Variants in MEI4 observed in about 807,000 individuals in gnomAD.
MEI4 encodes the protein meiosis-specific protein MEI4.
In MEI4, 27 loss-of-function variants were observed where a neutral mutation model predicts 31.4. The observed-to-expected ratio is 0.86, with a 90% CI of 0.63 to 1.19. MEI4 has a LOEUF of 1.19. MEI4 is among the 50% of genes most tolerant of loss of function. The probability of loss-of-function intolerance (pLI) is 0.00; values close to 1 mark genes in which losing one functional copy is unlikely to be tolerated. For missense variants in MEI4, 329 were observed against 398.9 expected, an observed-to-expected ratio of 0.82 and a Z score of 1.49; for synonymous variants, 122 against 145.4, an observed-to-expected ratio of 0.84 and a Z score of 1.16.
intron 4 of MEI4, among the ~76,000 whole-genome samples, chr6:77,875,603 C>T (rs1771314582): frequency 1.3e-5 from 2 of 152,088 alleles, no homozygotes; most frequent in Non-Finnish European, 2.9e-5. Context: ...AATCAGAAAT[C>T]CAGGATCTTG....
chr6:77,772,633 C>A (rs1768345061), intron 3 of MEI4, among the ~76,000 whole-genome samples: 1 of 151,968 alleles, frequency 6.6e-6, no homozygotes, highest in Non-Finnish European at 1.5e-5. Flanking sequence ...TGGGAAAAAA[C>A]TGAAAGCCTT....
chr6:77,749,837 A>T (rs1285956675), intron 2 of MEI4, among the ~76,000 whole-genome samples: 2 of 152,208 alleles, frequency 1.3e-5, no homozygotes, highest in Non-Finnish European at 2.9e-5. Context: ...CAAGGTTGAA[A>T]TGAGGGAAAA....
At chr6:77,687,486 A>C (rs1393140427) in intron 1 of MEI4, among the ~76,000 whole-genome samples, 2 of 152,088 alleles carry the variant, frequency 1.3e-5, no homozygotes, top group African/African-American at 2.4e-5. Context: ...CAATTCTGAC[A>C]CTAACTACCT....
chr6:77,873,123 T>C (rs1041076398), intron 4 of MEI4, among the ~76,000 whole-genome samples: 1 of 152,164 alleles, frequency 6.6e-6, no homozygotes, highest in Non-Finnish European at 1.5e-5. Context: ...TATACAGTAA[T>C]GGGATGGCTG....
At chr6:77,879,906 A>C (rs1771436801) in intron 4 of MEI4, among the ~76,000 whole-genome samples, 1 of 152,210 alleles carries the variant, frequency 6.6e-6, no homozygotes, top group Admixed American at 6.5e-5. Flanking sequence ...AAAACAAGAG[A>C]GAATAGAGAG....
chr6:77,922,387 C>T (rs1052752860), intron 4 of MEI4, among the ~76,000 whole-genome samples: 3 of 151,616 alleles, frequency 2.0e-5, no homozygotes, highest in Admixed American at 6.6e-5. Flanking sequence ...ACTATCTGCT[C>T]ACCTCATAGG....
intron 1 of MEI4, among the ~76,000 whole-genome samples, chr6:77,660,339 AT>A (rs1768480697): frequency 6.6e-6 from 1 of 152,116 alleles, no homozygotes; most frequent in Non-Finnish European, 1.5e-5. Context: ...CAGGGTGGAA[AT>A]ATTGGAGGGT....
intron 3 of MEI4, among the ~76,000 whole-genome samples, chr6:77,819,648 T>C (rs1265959370): frequency 4.6e-5 from 7 of 152,210 alleles, no homozygotes; most frequent in South Asian, 2.1e-4. Flanking sequence ...GAAAATACTT[T>C]AGGACTGGAA....
rs199777395 is a variant in MEI4, at chr6:77,744,998, C to A, written c.233-16132C>A. Among the ~76,000 whole-genome samples, 5 of 152,282 alleles carry A rather than the reference C, an allele frequency of 3.3e-5. No homozygotes were observed. The East Asian group carries it at 9.6e-4, about 29-fold the overall frequency. On this transcript the variant is annotated intron_variant, in intron 2 of 4. Transcript: ENST00000684080. ...TAAACATGGAAAGGAACAACCGGTACCAGCCACTGCAAAATCATGCGAAAT... is the reference window on the plus strand; with the variant it reads ...TAAACATGGAAAGGAACAACCGGTAACAGCCACTGCAAAATCATGCGAAAT...
intron 4 of MEI4, among the ~76,000 whole-genome samples, chr6:77,846,904 G>A (rs1175755455): frequency 6.6e-6 from 1 of 152,104 alleles, no homozygotes; most frequent in Non-Finnish European, 1.5e-5. Context: ...GTGAGTCTAG[G>A]AGAATTTTTT....
At chr6:77,828,910 C>T (rs1770016641) in intron 3 of MEI4, 21 bp from the exon 4 acceptor site, 2 of 1,231,608 alleles carry the variant, frequency 1.6e-6, no homozygotes, top group South Asian at 4.1e-5. Context: ...AATATAGAAA[C>T]CTACTCATTT....
chr6:77,840,097 G>A (rs1015731034), intron 4 of MEI4, among the ~76,000 whole-genome samples: 2 of 152,182 alleles, frequency 1.3e-5, no homozygotes, highest in South Asian at 2.1e-4. Context: ...TATGTGTTGT[G>A]TGTGTTTTTT....
At chr6:77,819,127 G>T (rs892085425) in intron 3 of MEI4, among the ~76,000 whole-genome samples, 9 of 152,052 alleles carry the variant, frequency 5.9e-5, no homozygotes, top group Admixed American at 5.9e-4. Flanking sequence ...AATTGAATAG[G>T]TATAAAGTGA....
intron 4 of MEI4, among the ~76,000 whole-genome samples, chr6:77,850,762 T>C (rs1010707050): frequency 6.6e-6 from 1 of 151,988 alleles, no homozygotes; most frequent in Non-Finnish European, 1.5e-5. Context: ...AAAGCAATGG[T>C]AACAAAAGCC....
At chr6:77,687,168 C>T (rs1445103798) in intron 1 of MEI4, among the ~76,000 whole-genome samples, 1 of 151,702 alleles carries the variant, frequency 6.6e-6, no homozygotes, top group Non-Finnish European at 1.5e-5. Context: ...AAGAACTGCT[C>T]CCAAATAAAA....
intron 1 of MEI4, among the ~76,000 whole-genome samples, chr6:77,668,600 G>A (rs1768680915): frequency 6.6e-6 from 1 of 152,130 alleles, no homozygotes. Flanking sequence ...TCACTTGGCA[G>A]CCAATGAAGA....
At chr6:77,695,406 G>T (rs1766000758) in intron 2 of MEI4, among the ~76,000 whole-genome samples, 1 of 152,054 alleles carries the variant, frequency 6.6e-6, no homozygotes, top group Admixed American at 6.6e-5. Flanking sequence ...GGTCTAACAT[G>T]TAAGTCTTTA....
At chr6:77,787,592 G>A (rs1286916911) in intron 3 of MEI4, among the ~76,000 whole-genome samples, 1 of 152,164 alleles carries the variant, frequency 6.6e-6, no homozygotes, top group African/African-American at 2.4e-5. Flanking sequence ...AAAAAGACGG[G>A]AAGAGGTGTT....
intron 4 of MEI4, among the ~76,000 whole-genome samples, chr6:77,855,075 A>G (rs1408224169): frequency 6.6e-6 from 1 of 152,136 alleles, no homozygotes; most frequent in Non-Finnish European, 1.5e-5. Context: ...GTGGTGGCTC[A>G]TACTTGTAAT....
Sources: allele counts gnomAD v4.1 joint callset (sites outside exome capture counted in the v4.1 genomes callset), GRCh38; gene constraint gnomAD v4.1.1; transcripts MANE v1.5; gene names NCBI Gene and HGNC (gene_info 2026-07-23, HGNC 2026-07-21).